MAP1B: variants seen among roughly 807,000 people sequenced by gnomAD.
The protein encoded by MAP1B is microtubule-associated protein 1B.
MAP1B carries 12 observed loss-of-function variants against 176.1 expected under a neutral mutation model. The observed-to-expected ratio is 0.07, with a 90% CI of 0.04 to 0.11. MAP1B has a LOEUF of 0.11. Among genes scored for constraint, MAP1B ranks in the 10% least tolerant of loss-of-function variants. The pLI is 1.00. For synonymous variants in MAP1B, 1,044 were observed against 1,135.0 expected, an observed-to-expected ratio of 0.92 and a Z score of 1.61; for missense variants, 2,523 against 2,990.5, an observed-to-expected ratio of 0.84 and a Z score of 3.65.
At chr5:72,203,972 A>T (rs996036441) in intron 6 of MAP1B, among the ~76,000 whole-genome samples, 171 bp downstream of exon 6, 1 of 152,210 alleles carries the variant, frequency 6.6e-6, no homozygotes, top group African/African-American at 2.4e-5. Flanking sequence ...TTTAACACAC[A>T]GTAGGTAGTC....
In MAP1B at chr5:72,195,735, G is replaced by T. The variant is rs199792777; in HGVS notation, c.2380G>T (p.Ala794Ser). The change falls in exon 5 of 7, where the codon GCT becomes TCT. Residue 794 changes from alanine (A) to serine (S), a missense_variant. Ala to Ser is a moderately conservative substitution (Grantham distance 99). Coordinates refer to ENST00000296755, the MANE Select transcript of MAP1B (RefSeq NM_005909.5). ...TAAGAAGGAAGGCAAGGCCGCAGAG[G>T]CTGTCGCTGCAGCTGTCGGCACTGG... Reference protein sequence around the residue: ...VIKKEGKAAEAVAAAVGTGAT... With the variant: ...VIKKEGKAAESVAAAVGTGAT... 1 of 1,614,126 alleles carries T rather than the reference G, an allele frequency of 6.2e-7. No homozygotes were observed. Among genetic ancestry groups the T allele is most frequent in the South Asian group, 1.1e-5 (1 of 91,088 alleles).
chr5:72,208,563 T>TC lies in MAP1B; in HGVS notation c.*3326dup, dbSNP rs1246548039. ...ACTGGATACAATGACTAACTTCCCC[T>TC]CCTCCCCTCTTTAAACACCATTTTC... On this transcript the variant is annotated 3_prime_UTR_variant, in exon 7 of 7. Transcript: ENST00000296755. The TC allele has an allele frequency of 6.6e-6, 1 of 152,060 alleles. No individual in the cohort carries two copies. The highest frequency in any genetic ancestry group is 1.5e-5 in the Non-Finnish European group (1 of 68,004). 9.4% of individuals were successfully genotyped at this position (152,060 alleles called of 1,614,324 possible).
In MAP1B at chr5:72,199,212, G is replaced by C; in HGVS notation, c.5857G>C (p.Gly1953Arg). ...GAAGACCACACGGACCCCTGAAGAGGGTGGGTACTCATATGACATAAGTGA... is the reference window on the plus strand; with the variant it reads ...GAAGACCACACGGACCCCTGAAGAGCGTGGGTACTCATATGACATAAGTGA... ...IEKTTRTPEE[G>R]GYSYDISEKT... Residue 1953 changes from glycine (G) to arginine (R), a missense_variant, in exon 5 of 7, where the codon GGT (glycine) becomes CGT (arginine). Coordinates refer to ENST00000296755, the MANE Select transcript of MAP1B (RefSeq NM_005909.5). This position sits in a 1 kb window ranked among gnomAD's most constrained non-coding sequence, Gnocchi z 4.2. 2 of 1,613,936 alleles carry C rather than the reference G, an allele frequency of 1.2e-6. No homozygotes were observed. The highest frequency in any genetic ancestry group is 1.7e-6 in the Non-Finnish European group (2 of 1,179,948).
chr5:72,169,783 C>G (rs1746500127), intron 2 of MAP1B, among the ~76,000 whole-genome samples: 2 of 152,234 alleles, frequency 1.3e-5, no homozygotes, highest in Middle Eastern at 3.4e-3. Context: ...CATATAAATA[C>G]TATGTACATC....
chr5:72,112,650 T>A (rs1170927914), intron 1 of MAP1B, among the ~76,000 whole-genome samples: 1 of 152,218 alleles, frequency 6.6e-6, no homozygotes, highest in East Asian at 1.9e-4. Flanking sequence ...GAGCTCACTT[T>A]CAGGGCTGGG....
At chr5:72,113,438 T>C (rs902848959) in intron 1 of MAP1B, among the ~76,000 whole-genome samples, 2 of 152,226 alleles carry the variant, frequency 1.3e-5, no homozygotes, top group Non-Finnish European at 2.9e-5. Context: ...CATTTAGTAC[T>C]TTTTCTATTG....
At chr5:72,108,841 C>T (rs866905178) in intron 1 of MAP1B, among the ~76,000 whole-genome samples, 3 of 152,226 alleles carry the variant, frequency 2.0e-5, no homozygotes, top group Admixed American at 6.5e-5. Flanking sequence ...TCTGCCTTTC[C>T]CTTTATCCCT....
At chr5:72,107,820 T>G in intron 1 of MAP1B, 105 bp downstream of exon 1, 1 of 1,175,716 alleles carries the variant, frequency 8.5e-7, no homozygotes, top group Admixed American at 2.1e-5. Context: ...CCCGCACCCA[T>G]GCCTCTCCTC....
At chr5:72,173,168 G>A (rs915656847) in intron 2 of MAP1B, among the ~76,000 whole-genome samples, 1 of 152,136 alleles carries the variant, frequency 6.6e-6, no homozygotes, top group Admixed American at 6.5e-5. Flanking sequence ...AAGAGCTTAG[G>A]TCAGGTCTTG....
intron 4 of MAP1B, among the ~76,000 whole-genome samples, chr5:72,192,089 A>G (rs1190810771): frequency 6.6e-6 from 1 of 152,250 alleles, no homozygotes; most frequent in Non-Finnish European, 1.5e-5. Context: ...AAGTTTCACT[A>G]TTAAAGATAC....
At chr5:72,165,580 C>G (rs1746412278) in intron 2 of MAP1B, among the ~76,000 whole-genome samples, 1 of 152,082 alleles carries the variant, frequency 6.6e-6, no homozygotes. Context: ...GGAACAGGAC[C>G]TTGGGCAAGT....
intron 2 of MAP1B, among the ~76,000 whole-genome samples, chr5:72,153,153 C>A (rs573595290): frequency 2.0e-4 from 30 of 152,310 alleles, no homozygotes; most frequent in Non-Finnish European, 3.7e-4. Context: ...GTGTTTGCTG[C>A]TTCTTTTTGC....
chr5:72,138,199 AT>A (rs1247905699), intron 2 of MAP1B, among the ~76,000 whole-genome samples: 1 of 152,240 alleles, frequency 6.6e-6, no homozygotes, highest in Admixed American at 6.5e-5. Context: ...GGATATGAAC[AT>A]TCAATTTACA....
At chr5:72,191,533 A>T (rs1049659107) in intron 4 of MAP1B, among the ~76,000 whole-genome samples, 1 of 152,228 alleles carries the variant, frequency 6.6e-6, no homozygotes, top group Non-Finnish European at 1.5e-5. Context: ...CACGGGCTTC[A>T]TTCTGTTGTG....
intron 2 of MAP1B, among the ~76,000 whole-genome samples, chr5:72,139,017 C>G (rs575960444): frequency 6.6e-6 from 1 of 152,256 alleles, no homozygotes; most frequent in Non-Finnish European, 1.5e-5. Context: ...ATCACTATCG[C>G]TTTTGTATTC....
chr5:72,198,640 A>G lies in MAP1B; in HGVS notation c.5285A>G (p.Tyr1762Cys). ...DVAPPRDMSL[Y>C]ASLTSEKVQS... ...GCTCCTCCCAGAGATATGTCCTTAT[A>G]TGCCTCACTCACCTCTGAAAAAGTG... is the stretch of plus-strand genomic sequence containing the variant. The change falls in exon 5 of 7, where the codon TAT becomes TGT. Residue 1762 changes from tyrosine to cysteine, a missense_variant. Tyr to Cys is a radical substitution (Grantham distance 194). This residue lies in a region of MAP1B where 1,925 missense variants were observed against 2,126.0 expected (regional missense o/e 0.91). Transcript: ENST00000296755. 1 of 1,614,140 alleles carries G rather than the reference A, an allele frequency of 6.2e-7. No individual in the cohort carries two copies. Among genetic ancestry groups the G allele is most frequent in the Non-Finnish European group, 8.5e-7 (1 of 1,180,008 alleles).
At chr5:72,179,609 C>A (rs895542327) in intron 2 of MAP1B, 1 of 985,356 alleles carries the variant, frequency 1.0e-6, no homozygotes, top group East Asian at 1.1e-4. Flanking sequence ...GCGTCAGGGC[C>A]CCTCTGCCAG....
intron 2 of MAP1B, among the ~76,000 whole-genome samples, chr5:72,179,402 G>A (rs1201575513): frequency 5.3e-5 from 8 of 152,212 alleles, no homozygotes; most frequent in Admixed American, 5.2e-4. Flanking sequence ...TCTTTCCTGG[G>A]AACTTCTTTT....
intron 5 of MAP1B, among the ~76,000 whole-genome samples, chr5:72,201,829 C>T (rs1189136527): frequency 6.6e-6 from 1 of 152,170 alleles, no homozygotes; most frequent in Non-Finnish European, 1.5e-5. Context: ...CACATTTGGC[C>T]TTTCTACATG....
Sources: allele counts gnomAD v4.1 joint callset (sites outside exome capture counted in the v4.1 genomes callset), GRCh38; gene constraint gnomAD v4.1.1; regional missense constraint gnomAD v4.1.1; non-coding constraint Gnocchi (gnomAD v3.1); transcripts MANE v1.5; gene names NCBI Gene and HGNC (gene_info 2026-07-23, HGNC 2026-07-21).